The following USP24 variants were observed in gnomAD, a reference collection of about 807,000 sequenced individuals.
USP24 encodes the protein ubiquitin carboxyl-terminal hydrolase 24.
A neutral mutation model predicts 361.6 loss-of-function variants in USP24; 97 were observed. The ratio of observed to expected loss-of-function variants is 0.27; its 90% CI spans 0.23 to 0.32. USP24 has a LOEUF of 0.32. USP24 is among the 10% of genes least tolerant of loss of function. USP24 has a pLI of 1.00. For synonymous variants in USP24, 1,098 were observed against 1,124.6 expected, an observed-to-expected ratio of 0.98 and a Z score of 0.47; for missense variants, 2,353 against 3,165.6, an observed-to-expected ratio of 0.74 and a Z score of 6.16.
At chr1:55,185,248 T>C (rs1166275190) in intron 1 of USP24, among the ~76,000 whole-genome samples, 1 of 151,712 alleles carries the variant, frequency 6.6e-6, no homozygotes, top group Non-Finnish European at 1.5e-5. Context: ...CCAACATATC[T>C]GGTCACAAGA....
intron 1 of USP24, among the ~76,000 whole-genome samples, chr1:55,211,516 T>C (rs1644846268): frequency 2.0e-5 from 3 of 152,246 alleles, no homozygotes; most frequent in Admixed American, 6.5e-5. Context: ...TGCATTCTCC[T>C]TGCTTCTACT....
chr1:55,084,623 C>T (rs1242505918), intron 56 of USP24, among the ~76,000 whole-genome samples: 1 of 152,176 alleles, frequency 6.6e-6, no homozygotes, highest in African/African-American at 2.4e-5. Context: ...CATCCTGTCA[C>T]ACCCATTATA....
intron 3 of USP24, among the ~76,000 whole-genome samples, chr1:55,173,017 T>C (rs1263942537): frequency 6.6e-6 from 1 of 152,220 alleles, no homozygotes; most frequent in African/African-American, 2.4e-5. Context: ...GCATTATTAA[T>C]ATATCTTGAT....
chr1:55,097,565 G>A, intron 48 of USP24, 33 bp downstream of exon 48: 1 of 1,525,982 alleles, frequency 6.6e-7, no homozygotes, highest in Non-Finnish European at 8.8e-7. Context: ...GAAATGAATG[G>A]TTGTGAAAAA....
Position 55,137,559 on chromosome 1 carries a change from TGCTGGA to T in USP24, c.3151_3156del (p.Ser1055_Ser1056del), listed in dbSNP as rs1243031129. ...GAACTAAAAACCCCACTGCTGCTGC[TGCTGGA>T]GCTGGTTGAAGAATCTGCTGAACTC... On this transcript the variant is annotated inframe_deletion, in exon 28 of 68. Coordinates refer to ENST00000294383, the MANE Select transcript of USP24 (RefSeq NM_015306.3). The T allele has an allele frequency of 1.2e-6, 2 of 1,613,366 alleles. No individual in the cohort carries two copies. The highest frequency in any genetic ancestry group is 1.3e-5 in the African/African-American group (1 of 74,904).
chr1:55,075,041 C>T (rs940320089), intron 63 of USP24, among the ~76,000 whole-genome samples: 1 of 152,132 alleles, frequency 6.6e-6, no homozygotes. Flanking sequence ...AATATGGTTA[C>T]GCTTACTATA....
intron 39 of USP24, 57 bp from the exon 40 acceptor site, chr1:55,107,487 C>A: frequency 6.8e-7 from 1 of 1,468,996 alleles, no homozygotes; most frequent in South Asian, 1.4e-5. Flanking sequence ...TTTATGGAGT[C>A]AAAGTCCTGA....
chr1:55,078,910 T>C (rs2100417250), intron 60 of USP24, among the ~76,000 whole-genome samples: 1 of 142,016 alleles, frequency 7.0e-6, no homozygotes, highest in Admixed American at 7.1e-5. Flanking sequence ...GCTCCCACAA[T>C]TAAAATAATC....
chr1:55,159,582 G>C (rs1246772815), intron 9 of USP24, 29 bp downstream of exon 9: 5 of 1,544,286 alleles, frequency 3.2e-6, no homozygotes, highest in African/African-American at 1.4e-5. Flanking sequence ...ACTGGCACTG[G>C]GGCCTATCTG....
Position 55,193,893 on chromosome 1 carries a change from T to C in USP24, c.325-15761A>G, listed in dbSNP as rs76584833. On this transcript the variant is annotated intron_variant, in intron 1 of 67. Transcript: ENST00000294383. ...GTCACTTGCCTAACACCAACAGTCA[T>C]TAAATGCGTTCAGACTGAAATAAAA... Among the ~76,000 whole-genome samples the C allele has an allele frequency of 4.4e-3, 675 of 152,242 alleles. 2 individuals carry two copies. The highest frequency in any genetic ancestry group is 0.016 in the African/African-American group (652 of 41,522).
At position 55,154,473 on chromosome 1, in the gene USP24, A is replaced by G; in HGVS notation, c.1555-7T>C. 8 of 1,550,612 alleles carry G rather than the reference A, an allele frequency of 5.2e-6. No individual in the cohort carries two copies. The highest frequency in any genetic ancestry group is 7.0e-6 in the Non-Finnish European group (8 of 1,146,610). Reference sequence around the variant, plus strand: ...CACTCTCAGTCTCCCAGCTCTGTAGAACGGAAAAGACACAGGAATTGCTTC... The same window carrying G: ...CACTCTCAGTCTCCCAGCTCTGTAGGACGGAAAAGACACAGGAATTGCTTC... On this transcript the variant is annotated splice_polypyrimidine_tract_variant and splice_region_variant and intron_variant, in intron 13 of 67. Transcript: ENST00000294383.
intron 8 of USP24, 124 bp downstream of exon 8, chr1:55,162,075 C>G (rs1424877498): frequency 8.9e-6 from 7 of 789,616 alleles, no homozygotes; most frequent in African/African-American, 1.9e-5. Flanking sequence ...ATTAAAAGGA[C>G]AGCTAATGTG....
At chr1:55,207,280 GGA>G (rs1644734707) in intron 1 of USP24, among the ~76,000 whole-genome samples, 3 of 140,192 alleles carry the variant, frequency 2.1e-5, no homozygotes, top group African/African-American at 5.4e-5. Context: ...AATGGAAAGG[GGA>G]AAAAAAAAAA....
At chr1:55,153,084 G>A (rs1390377782) in intron 16 of USP24, among the ~76,000 whole-genome samples, 3 of 152,176 alleles carry the variant, frequency 2.0e-5, no homozygotes, top group African/African-American at 7.2e-5. Flanking sequence ...TAGGCTTTAA[G>A]TTTGGTCTGG....
At chr1:55,140,697 C>A (rs561690266) in intron 24 of USP24, among the ~76,000 whole-genome samples, 1 of 152,184 alleles carries the variant, frequency 6.6e-6, no homozygotes, top group Non-Finnish European at 1.5e-5. Flanking sequence ...TAGAGAAAGA[C>A]TCTATGAGTA....
In USP24 at chr1:55,154,413, T is replaced by C. The variant is rs1647406556; in HGVS notation, c.1608A>G (p.Gly536=). ...CAAAGCGAGCTTCCCGGCCTATTCG[T>C]CCAATCAGGCTCAAAAGCTTCTGTC... is the stretch of plus-strand genomic sequence containing the variant. The part of the protein sequence containing the change: ...RVRQKLLSLI[G]RIGREARFET... Residue 536 remains glycine, a synonymous_variant, in exon 14 of 68, where the codon GGA becomes GGG. Transcript: ENST00000294383. The C allele has an allele frequency of 3.2e-6, 5 of 1,551,508 alleles. No individual in the cohort carries two copies. The highest frequency in any genetic ancestry group is 3.5e-6 in the Non-Finnish European group (4 of 1,146,842).
chr1:55,154,732 G>A lies in USP24; in HGVS notation c.1493C>T (p.Ala498Val). Residue 498 changes from alanine to valine, a missense_variant, in exon 13 of 68, where the codon GCT becomes GTT. Physicochemically the swap from Ala to Val is moderately conservative, Grantham distance 64 (BLOSUM62 0). Coordinates refer to ENST00000294383, the MANE Select transcript of USP24 (RefSeq NM_015306.3). ...TGAATTAAATTTCACAGCCGCTGCA[G>A]CAATAATAGTATGAATGTTCTCAAT... The part of the protein sequence containing the change: ...TVIENIHTII[A>V]AAAVKFNSDQ... 2 of 1,613,448 alleles carry A rather than the reference G, an allele frequency of 1.2e-6. No individual in the cohort carries two copies. The highest frequency in any genetic ancestry group is 1.7e-6 in the Non-Finnish European group (2 of 1,179,602).
intron 24 of USP24, among the ~76,000 whole-genome samples, chr1:55,140,557 A>T (rs928237447): frequency 2.0e-5 from 3 of 152,214 alleles, no homozygotes; most frequent in African/African-American, 4.8e-5. Flanking sequence ...AAGTACAGTG[A>T]CACAATACTC....
At chr1:55,177,808 A>C (rs1299931070) in intron 2 of USP24, among the ~76,000 whole-genome samples, 159 bp downstream of exon 2, 1 of 152,220 alleles carries the variant, frequency 6.6e-6, no homozygotes, top group African/African-American at 2.4e-5. Context: ...AAAACAATTA[A>C]TTTGGTTCAA....
Sources: gnomAD v4.1 joint callset for allele counts (sites outside exome capture counted in the v4.1 genomes callset) on GRCh38, gnomAD v4.1.1 for gene constraint, MANE v1.5 for transcripts, NCBI Gene and HGNC (gene_info 2026-07-23, HGNC 2026-07-21) for gene names.